EBF3: variants seen among roughly 807,000 people sequenced by gnomAD.
EBF3 encodes EBF transcription factor 3, also known as transcription factor COE3.
EBF3 carries 18 observed loss-of-function variants against 77.1 expected under a neutral mutation model. The ratio of observed to expected loss-of-function variants is 0.23; its 90% CI spans 0.16 to 0.35. The LOEUF is 0.35. Among genes scored for constraint, EBF3 ranks in the 10% least tolerant of loss-of-function variants. EBF3 has a pLI of 1.00. For missense variants in EBF3, 558 were observed against 860.0 expected, an observed-to-expected ratio of 0.65 and a Z score of 4.39; for synonymous variants, 350 against 343.5, an observed-to-expected ratio of 1.02 and a Z score of -0.21.
At chr10:129,854,072 A>G (rs1174436339) in intron 10 of EBF3, among the ~76,000 whole-genome samples, 2 of 144,714 alleles carry the variant, frequency 1.4e-5, no homozygotes, top group African/African-American at 5.0e-5. Flanking sequence ...CCCCCTGAAT[A>G]CCTTGCCCCC....
intron 4 of EBF3, 139 bp downstream of exon 4, chr10:129,962,032 T>C (rs1859563685): frequency 1.4e-6 from 1 of 736,834 alleles, no homozygotes; most frequent in Non-Finnish European, 2.3e-6. Context: ...CCAATAAATA[T>C]GGAATTCTCA....
chr10:129,932,498 T>TCACCTTCAAAGTTGA (rs1289882316), intron 6 of EBF3, among the ~76,000 whole-genome samples: 2 of 152,246 alleles, frequency 1.3e-5, no homozygotes, highest in Non-Finnish European at 2.9e-5. Flanking sequence ...TATTTATTTG[T>TCACCTTCAAAGTTGA]CACCTTCAAA....
At chr10:129,884,412 C>G (rs894444140) in intron 6 of EBF3, among the ~76,000 whole-genome samples, 1 of 152,190 alleles carries the variant, frequency 6.6e-6, no homozygotes, top group Non-Finnish European at 1.5e-5. Context: ...TTTTCTCTCA[C>G]TCCTGCCATT....
At chr10:129,925,333 A>C (rs994755998) in intron 6 of EBF3, among the ~76,000 whole-genome samples, 1 of 151,860 alleles carries the variant, frequency 6.6e-6, no homozygotes, top group Non-Finnish European at 1.5e-5. Context: ...GGCACCACAG[A>C]CCCTGGGCTG....
chr10:129,867,614 G>A (rs1338585482), intron 9 of EBF3, among the ~76,000 whole-genome samples, 168 bp downstream of exon 9: 1 of 152,192 alleles, frequency 6.6e-6, no homozygotes, highest in Non-Finnish European at 1.5e-5. Context: ...GGGCAGGGGG[G>A]TGTTCCGTAG....
chr10:129,920,865 C>T (rs1182178704), intron 6 of EBF3, among the ~76,000 whole-genome samples: 1 of 152,124 alleles, frequency 6.6e-6, no homozygotes, highest in Non-Finnish European at 1.5e-5. Flanking sequence ...GTGCAGAGGT[C>T]TCTGGGCCTA....
At chr10:129,950,465 C>A (rs560702892) in intron 6 of EBF3, among the ~76,000 whole-genome samples, 177 of 152,312 alleles carry the variant, frequency 1.2e-3, no homozygotes, top group African/African-American at 4.0e-3. Context: ...TATACCCCTC[C>A]CTGCAGTGCT....
rs1324000238 is a variant in EBF3 at position 129,938,572 on chromosome 10, T to TA, written c.554+18685dup. ...GTCTCGAAAATAAAATAAATAAAAGTAAAAAAATAGAAGTTCATGAGGGAA... is the reference window on the plus strand; with the variant it reads ...GTCTCGAAAATAAAATAAATAAAAGTAAAAAAAATAGAAGTTCATGAGGGAA... On this transcript the variant is annotated intron_variant, in intron 6 of 16. Coordinates refer to ENST00000440978, the MANE Select transcript of EBF3 (RefSeq NM_001375380.1). This position sits in a 1 kb window ranked among gnomAD's most constrained non-coding sequence, Gnocchi z 5.1. 6.6e-6 allele frequency among the ~76,000 whole-genome samples: 1 copy of TA among 151,628 alleles called. No individual in the cohort carries two copies. The highest frequency in any genetic ancestry group is 6.6e-5 in the Admixed American group (1 of 15,206).
rs1315253569 is a variant in EBF3, at chr10:129,935,079, C to T, written c.554+22179G>A. 6.6e-6 allele frequency among the ~76,000 whole-genome samples: 1 copy of T among 152,186 alleles called. No homozygotes were observed. ...ATCTCATGGGATGTACTCATCCTAACACATTAGCTGTAGCTGGTGGTCCGG... is the reference window on the plus strand; with the variant it reads ...ATCTCATGGGATGTACTCATCCTAATACATTAGCTGTAGCTGGTGGTCCGG... On this transcript the variant is annotated intron_variant, in intron 6 of 16. Transcript: ENST00000440978. This position sits in a 1 kb window ranked among gnomAD's most constrained non-coding sequence, Gnocchi z 4.2.
intron 6 of EBF3, among the ~76,000 whole-genome samples, chr10:129,915,854 C>G (rs1855853514): frequency 6.6e-6 from 1 of 152,218 alleles, no homozygotes; most frequent in Non-Finnish European, 1.5e-5. Context: ...GTGGCTCCAG[C>G]TCTCTGAGAA....
At chr10:129,872,739 TG>T in intron 8 of EBF3, among the ~76,000 whole-genome samples, 1 of 152,314 alleles carries the variant, frequency 6.6e-6, no homozygotes, top group South Asian at 2.1e-4. Context: ...CTAAAGGGGA[TG>T]TGTTCAATTG....
rs188101258 is a variant in EBF3, at chr10:129,947,198, G to A, written c.554+10060C>T. Among the ~76,000 whole-genome samples the A allele has an allele frequency of 1.3e-5, 2 of 152,218 alleles. No individual in the cohort carries two copies. Among genetic ancestry groups the A allele is most frequent in the Admixed American group, 6.5e-5 (1 of 15,284 alleles). ...AACCAAATATCAAGGAAGAGGGGCC[G>A]CCGGGGGACCACCCCATCCCGGCAC... On this transcript the variant is annotated intron_variant, in intron 6 of 16. Transcript: ENST00000440978. This position sits in a 1 kb window ranked among gnomAD's most constrained non-coding sequence, Gnocchi z 4.5.
intron 7 of EBF3, among the ~76,000 whole-genome samples, chr10:129,876,477 C>A (rs1852778305): frequency 6.6e-6 from 1 of 152,272 alleles, no homozygotes; most frequent in African/African-American, 2.4e-5. Context: ...GCAGGAAACA[C>A]TGTCCCCAGC....
intron 6 of EBF3, among the ~76,000 whole-genome samples, chr10:129,955,144 A>G (rs975079049): frequency 1.3e-5 from 2 of 152,204 alleles, no homozygotes; most frequent in African/African-American, 4.8e-5. Context: ...AACAGACAAC[A>G]CAATGCTAAT....
At chr10:129,906,181 G>T (rs1245222963) in intron 6 of EBF3, among the ~76,000 whole-genome samples, 1 of 152,196 alleles carries the variant, frequency 6.6e-6, no homozygotes, top group Non-Finnish European at 1.5e-5. Flanking sequence ...AAAGCTTAAT[G>T]CAAGACAAGA....
rs112072639 is a variant in EBF3, at chr10:129,879,776, G to A, written c.555-1927C>T. On this transcript the variant is annotated intron_variant, in intron 6 of 16. Coordinates refer to ENST00000440978, the MANE Select transcript of EBF3 (RefSeq NM_001375380.1). The surrounding 1 kb of genome is among the most constrained non-coding windows in gnomAD (Gnocchi z 4.7). ...CGTTCCGCAGCGAGGTAAATGAGGC[G>A]CACCTGCGGCCACACTGCATTTGAA... Among the ~76,000 whole-genome samples the A allele has an allele frequency of 6.2e-3, 940 of 152,238 alleles. 3 individuals carry two copies. Among genetic ancestry groups the A allele is most frequent in the Admixed American group, 0.011 (163 of 15,298 alleles).
chr10:129,851,637 TC>T (rs1208563089), intron 10 of EBF3, among the ~76,000 whole-genome samples: 1 of 152,044 alleles, frequency 6.6e-6, no homozygotes, highest in Non-Finnish European at 1.5e-5. Context: ...TTCTAAGAAA[TC>T]CCCCCAGAAG....
intron 6 of EBF3, among the ~76,000 whole-genome samples, chr10:129,905,229 C>T (rs1226768025): frequency 6.6e-6 from 1 of 152,194 alleles, no homozygotes; most frequent in Non-Finnish European, 1.5e-5. Context: ...ACATGGTGGC[C>T]ACAAGCCACA....
chr10:129,920,817 A>G (rs12358750), intron 6 of EBF3, among the ~76,000 whole-genome samples: 4,842 of 152,254 alleles, frequency 0.032, 102 homozygotes, highest in South Asian at 0.083. Context: ...CAGTGGAGTG[A>G]TCACTATTGT....
Sources: gnomAD v4.1 joint callset for allele counts (sites outside exome capture counted in the v4.1 genomes callset) on GRCh38, gnomAD v4.1.1 for gene constraint, Gnocchi (gnomAD v3.1) non-coding constraint, MANE v1.5 for transcripts, NCBI Gene and HGNC (gene_info 2026-07-23, HGNC 2026-07-21) for gene names.